GRXCR1: variants seen among roughly 807,000 people sequenced by gnomAD.
GRXCR1 encodes glutaredoxin domain-containing cysteine-rich protein 1.
Under a neutral mutation model 27.3 loss-of-function variants are expected in GRXCR1, and 27 were observed. The observed-to-expected ratio is 0.99, with a 90% CI of 0.73 to 1.37. The LOEUF is 1.37. GRXCR1 is among the 40% of genes most tolerant of loss of function. The pLI is 0.00. For synonymous variants in GRXCR1, 122 were observed against 131.1 expected (o/e 0.93, Z 0.47); for missense variants, 379 against 354.4 (o/e 1.07, Z -0.56).
At chr4:42,977,398 C>T (rs922506077) in intron 2 of GRXCR1, among the ~76,000 whole-genome samples, 6 of 151,896 alleles carry the variant, frequency 4.0e-5, no homozygotes, top group African/African-American at 1.2e-4. Context: ...CTTTATACCA[C>T]TTACCATAAT....
At chr4:43,011,012 T>A (rs866640934) in intron 2 of GRXCR1, among the ~76,000 whole-genome samples, 19 of 152,198 alleles carry the variant, frequency 1.2e-4, no homozygotes, top group African/African-American at 4.1e-4. Context: ...CAGGATTTCA[T>A]GTGGCTGAGC....
At chr4:42,955,568 G>A (rs928067457) in intron 1 of GRXCR1, among the ~76,000 whole-genome samples, 2 of 152,062 alleles carry the variant, frequency 1.3e-5, no homozygotes, top group Admixed American at 6.6e-5. Context: ...CCTTGTCAAG[G>A]ATATGAGGAT....
chr4:43,019,365 T>C (rs1449980662), intron 2 of GRXCR1, among the ~76,000 whole-genome samples: 2 of 152,218 alleles, frequency 1.3e-5, no homozygotes, highest in African/African-American at 2.4e-5. Context: ...TGAGTCCTGC[T>C]TGGCACCCTG....
intron 1 of GRXCR1, among the ~76,000 whole-genome samples, chr4:42,956,062 G>T (rs1185249676): frequency 6.6e-6 from 1 of 152,074 alleles, no homozygotes; most frequent in East Asian, 1.9e-4. Flanking sequence ...ACTGCAGGGC[G>T]ATGTGCAGGC....
At chr4:42,893,676 T>G (rs759161016) in intron 1 of GRXCR1, 26 bp downstream of exon 1, 1 of 1,607,108 alleles carries the variant, frequency 6.2e-7, no homozygotes, top group South Asian at 1.1e-5. Flanking sequence ...TTCCTTCTCC[T>G]GCTCTTTGTT....
chr4:42,955,690 A>G (rs1472364766), intron 1 of GRXCR1, among the ~76,000 whole-genome samples: 1 of 152,168 alleles, frequency 6.6e-6, no homozygotes, highest in African/African-American at 2.4e-5. Context: ...TGCCACTGAT[A>G]TTCAAATGTG....
intron 1 of GRXCR1, among the ~76,000 whole-genome samples, chr4:42,915,772 A>G (rs1486120513): frequency 6.6e-6 from 1 of 152,158 alleles, no homozygotes; most frequent in East Asian, 1.9e-4. Flanking sequence ...TGTGGAGCCT[A>G]TGGTTGGAGC....
At chr4:42,999,005 G>GA (rs1712264719) in intron 2 of GRXCR1, among the ~76,000 whole-genome samples, 1 of 152,198 alleles carries the variant, frequency 6.6e-6, no homozygotes, top group Admixed American at 6.5e-5. Flanking sequence ...AACTTAGGAA[G>GA]AAATGACTTC....
chr4:43,019,878 G>T (rs137967124), intron 2 of GRXCR1, among the ~76,000 whole-genome samples: 128 of 152,290 alleles, frequency 8.4e-4, no homozygotes, highest in African/African-American at 3.0e-3. Context: ...CTTAAGTAGT[G>T]TTGGTAGTCA....
At chr4:42,983,966 G>T (rs1311255965) in intron 2 of GRXCR1, among the ~76,000 whole-genome samples, 1 of 151,668 alleles carries the variant, frequency 6.6e-6, no homozygotes, top group Non-Finnish European at 1.5e-5. Context: ...TTCCCTGGTA[G>T]CTGGGATTAC....
intron 1 of GRXCR1, among the ~76,000 whole-genome samples, chr4:42,910,901 T>G (rs1372355071): frequency 6.6e-6 from 1 of 152,196 alleles, no homozygotes; most frequent in Non-Finnish European, 1.5e-5. Context: ...GTTTAATCTT[T>G]TAGACTAACT....
chr4:42,939,183 T>C (rs1431084965), intron 1 of GRXCR1, among the ~76,000 whole-genome samples: 2 of 152,060 alleles, frequency 1.3e-5, no homozygotes, highest in Non-Finnish European at 1.5e-5. Flanking sequence ...ATTTCTTGCA[T>C]CAATGTTTTG....
Position 42,977,541 on chromosome 4 carries a change from T to A in GRXCR1, c.627+14407T>A, listed in dbSNP as rs77858835. On this transcript the variant is annotated intron_variant, in intron 2 of 3. Coordinates refer to ENST00000399770, the MANE Select transcript of GRXCR1 (RefSeq NM_001080476.3). ...GGTGAACTCTTAATGTGGTTTTAAT[T>A]TGCATTTCCCTAACAATCAACAATG... Among the ~76,000 whole-genome samples the A allele has an allele frequency of 7.1e-3, 1,083 of 152,144 alleles. 12 individuals carry two copies. Among genetic ancestry groups the A allele is most frequent in the African/African-American group, 0.024 (1,001 of 41,532 alleles).
chr4:42,923,330 C>T (rs142844201), intron 1 of GRXCR1, among the ~76,000 whole-genome samples: 8 of 152,044 alleles, frequency 5.3e-5, no homozygotes, highest in Non-Finnish European at 1.0e-4. Context: ...GGCTGTTGAC[C>T]CACAATTATT....
At chr4:43,022,747 A>C (rs1713134405) in intron 3 of GRXCR1, among the ~76,000 whole-genome samples, 2 of 152,196 alleles carry the variant, frequency 1.3e-5, no homozygotes, top group South Asian at 4.1e-4. Flanking sequence ...AAGGGATACA[A>C]AATACAGATC....
intron 1 of GRXCR1, among the ~76,000 whole-genome samples, chr4:42,914,330 C>T (rs1746836842): frequency 6.6e-6 from 1 of 152,232 alleles, no homozygotes; most frequent in African/African-American, 2.4e-5. Flanking sequence ...GGGAGCCCAC[C>T]TCTTGCATCA....
Position 42,893,352 on chromosome 4 carries a change from T to C in GRXCR1, c.86T>C (p.Leu29Pro), listed in dbSNP as rs763469202. 1.2e-6 allele frequency: 2 copies of C among 1,613,810 alleles called. No homozygotes were observed. Among genetic ancestry groups the C allele is most frequent in the Non-Finnish European group, 1.7e-6 (2 of 1,179,810 alleles). The change falls in exon 1 of 4, where the codon CTG becomes CCG. Residue 29 changes from leucine (L) to proline (P), a missense_variant. Coordinates refer to ENST00000399770, the MANE Select transcript of GRXCR1 (RefSeq NM_001080476.3). Reference protein sequence around the residue: ...RIASSHSGRVLKEVYEDGQPS... With the variant: ...RIASSHSGRVPKEVYEDGQPS... Reference sequence around the variant, plus strand: ...GCGTCCTCTCACAGTGGGCGAGTTCTGAAGGAAGTGTATGAAGATGGGCAA... The same window carrying C: ...GCGTCCTCTCACAGTGGGCGAGTTCCGAAGGAAGTGTATGAAGATGGGCAA...
intron 1 of GRXCR1, among the ~76,000 whole-genome samples, chr4:42,944,850 T>C (rs891599195): frequency 1.3e-5 from 2 of 152,162 alleles, no homozygotes; most frequent in Non-Finnish European, 2.9e-5. Flanking sequence ...AAGGTTTTTA[T>C]TTTTGGAGGA....
chr4:42,976,405 G>A (rs1043337783), intron 2 of GRXCR1, among the ~76,000 whole-genome samples: 9 of 152,022 alleles, frequency 5.9e-5, no homozygotes, highest in African/African-American at 2.2e-4. Flanking sequence ...TTTTCTGTAT[G>A]TTTTATATCT....
Sources: gnomAD v4.1 joint callset for allele counts (sites outside exome capture counted in the v4.1 genomes callset) on GRCh38, gnomAD v4.1.1 for gene constraint, MANE v1.5 for transcripts, NCBI Gene and HGNC (gene_info 2026-07-23, HGNC 2026-07-21) for gene names.